Variants in GREB1L observed in about 807,000 individuals in gnomAD.
GREB1L encodes the protein GREB1 like retinoic acid receptor coactivator, also known as GREB1-like protein.
A neutral mutation model predicts 200.8 loss-of-function variants in GREB1L; 17 were observed. The ratio of observed to expected loss-of-function variants is 0.08; its 90% CI spans 0.06 to 0.13. The LOEUF is 0.13. GREB1L is among the 10% of genes least tolerant of loss of function. The pLI is 1.00. For synonymous variants in GREB1L, 789 were observed against 893.0 expected, an observed-to-expected ratio of 0.88 and a Z score of 2.08; for missense variants, 1,657 against 2,367.7, an observed-to-expected ratio of 0.70 and a Z score of 6.23.
At chr18:21,458,578 T>G (rs2034887257) in intron 15 of GREB1L, among the ~76,000 whole-genome samples, 1 of 152,154 alleles carries the variant, frequency 6.6e-6, no homozygotes, top group Non-Finnish European at 1.5e-5. Flanking sequence ...ATAGAAACCA[T>G]CACGTTGTTG....
chr18:21,284,439 C>G (rs2144496510), intron 1 of GREB1L, among the ~76,000 whole-genome samples: 1 of 152,220 alleles, frequency 6.6e-6, no homozygotes, highest in East Asian at 1.9e-4. Flanking sequence ...ATTGGGGGGG[C>G]TTTTGTGACG....
At chr18:21,293,954 A>AT (rs1028935219) in intron 1 of GREB1L, among the ~76,000 whole-genome samples, 13 of 151,804 alleles carry the variant, frequency 8.6e-5, no homozygotes, top group East Asian at 3.9e-4. Context: ...TAATTTTTGT[A>AT]TTTTTTGTGT....
intron 1 of GREB1L, among the ~76,000 whole-genome samples, chr18:21,326,238 C>T (rs1337375492): frequency 6.6e-6 from 1 of 151,670 alleles, no homozygotes; most frequent in Non-Finnish European, 1.5e-5. Flanking sequence ...AGAAATTACA[C>T]ACACACATGC....
intron 7 of GREB1L, among the ~76,000 whole-genome samples, chr18:21,410,871 A>C (rs1301941454): frequency 6.6e-6 from 1 of 151,252 alleles, no homozygotes; most frequent in African/African-American, 2.4e-5. Context: ...CAGGAGGATC[A>C]CTTGAGCCCA....
At chr18:21,298,760 C>T (rs375759343) in intron 1 of GREB1L, among the ~76,000 whole-genome samples, 12 of 151,986 alleles carry the variant, frequency 7.9e-5, no homozygotes, top group African/African-American at 2.9e-4. Flanking sequence ...ATAGTGAGAC[C>T]TCGTCTCTAT....
intron 1 of GREB1L, among the ~76,000 whole-genome samples, chr18:21,338,007 C>A (rs547689451): frequency 2.0e-5 from 3 of 152,078 alleles, no homozygotes; most frequent in South Asian, 4.2e-4. Flanking sequence ...AAAAAAAATT[C>A]TTTTTTTCTC....
intron 1 of GREB1L, among the ~76,000 whole-genome samples, chr18:21,246,407 G>A (rs1216681469): frequency 1.3e-5 from 2 of 152,118 alleles, no homozygotes; most frequent in Non-Finnish European, 2.9e-5. Flanking sequence ...AACAATCTAT[G>A]TGTGTGCTTA....
chr18:21,508,150 CTCT>C lies in GREB1L; in HGVS notation c.4408_4410del (p.Ser1470del), dbSNP rs1175347891. ...ACTCCACCCTTCATGCCTTCACATT[CTCT>C]TCTTCTATGCTGGGAGAAGAGGTTC... On this transcript the variant is annotated inframe_deletion, in exon 26 of 33. Transcript: ENST00000424526. 5 of 1,551,632 alleles carry C rather than the reference CTCT, an allele frequency of 3.2e-6. No homozygotes were observed. Among genetic ancestry groups the C allele is most frequent in the South Asian group, 1.2e-5 (1 of 84,056 alleles).
At chr18:21,464,444 C>A (rs764762755) in intron 15 of GREB1L, among the ~76,000 whole-genome samples, 2 of 150,180 alleles carry the variant, frequency 1.3e-5, no homozygotes, top group Non-Finnish European at 3.0e-5. Flanking sequence ...CTCAGGAGGC[C>A]GAGGCAGGAG....
chr18:21,472,972 C>T (rs2035541478), intron 15 of GREB1L, 59 bp from the exon 16 acceptor site: 2 of 1,146,072 alleles, frequency 1.7e-6, no homozygotes, highest in Admixed American at 5.7e-5. Flanking sequence ...AGTCTATCTC[C>T]TGTGTGTGTG....
chr18:21,323,211 C>T (rs369909908), intron 1 of GREB1L, among the ~76,000 whole-genome samples: 7 of 151,864 alleles, frequency 4.6e-5, no homozygotes, highest in African/African-American at 1.5e-4. Context: ...TGCTTGAGCC[C>T]GGGGTTAAGG....
At chr18:21,359,227 G>A (rs1489067204) in intron 1 of GREB1L, among the ~76,000 whole-genome samples, 5 of 152,270 alleles carry the variant, frequency 3.3e-5, no homozygotes, top group East Asian at 1.9e-4. Flanking sequence ...AGGCCAAGGC[G>A]GATTATGAGG....
chr18:21,305,706 T>C (rs750355068), intron 1 of GREB1L, among the ~76,000 whole-genome samples: 5 of 152,224 alleles, frequency 3.3e-5, no homozygotes, highest in Non-Finnish European at 5.9e-5. Context: ...CAACTTCCCA[T>C]CACTCTTGGA....
chr18:21,278,066 T>G (rs2038199059), intron 1 of GREB1L, among the ~76,000 whole-genome samples: 1 of 152,128 alleles, frequency 6.6e-6, no homozygotes, highest in Admixed American at 6.6e-5. Context: ...CCATTTAGGC[T>G]TATAGATTGA....
chr18:21,353,364 C>T (rs908655340), intron 1 of GREB1L, among the ~76,000 whole-genome samples: 1 of 151,950 alleles, frequency 6.6e-6, no homozygotes, highest in African/African-American at 2.4e-5. Flanking sequence ...TCAATAGTAG[C>T]AGCTATTACT....
chr18:21,518,154 T>A lies in GREB1L; in HGVS notation c.5392T>A (p.Tyr1798Asn). Reference protein sequence around the residue: ...LLEKFLQHASYKLFPKAIHNF... With the variant: ...LLEKFLQHASNKLFPKAIHNF... ...GGAGAAATTCCTTCAGCACGCCTCA[T>A]ATAAACTCTTCCCCAAAGCCATCCA... Residue 1798 changes from tyrosine to asparagine, a missense_variant, in exon 31 of 33, where the codon TAT (tyrosine) becomes AAT (asparagine). Physicochemically the swap from Tyr to Asn is moderately radical, Grantham distance 143. Around this residue, in one of 9 missense-constraint regions of GREB1L, gnomAD observed 190 missense variants for 230.2 expected, o/e 0.83. Coordinates refer to ENST00000424526, the MANE Select transcript of GREB1L (RefSeq NM_001142966.3). 1 of 1,551,676 alleles carries A rather than the reference T, an allele frequency of 6.4e-7. No homozygotes were observed. Among genetic ancestry groups the A allele is most frequent in the Non-Finnish European group, 8.7e-7 (1 of 1,146,990 alleles).
At chr18:21,495,429 T>A (rs1225070446) in intron 19 of GREB1L, among the ~76,000 whole-genome samples, 2 of 152,208 alleles carry the variant, frequency 1.3e-5, no homozygotes, top group African/African-American at 4.8e-5. Flanking sequence ...GTTACTAATG[T>A]CTGAGGTATA....
chr18:21,490,241 C>A lies in GREB1L; in HGVS notation c.2920C>A (p.Arg974=), dbSNP rs756651889. 7 of 1,551,526 alleles carry A rather than the reference C, an allele frequency of 4.5e-6. No homozygotes were observed. The highest frequency in any genetic ancestry group is 3.9e-5 in the Admixed American group (2 of 50,978). Residue 974 remains arginine, a synonymous_variant, in exon 19 of 33, where the codon CGG becomes AGG. Coordinates refer to ENST00000424526, the MANE Select transcript of GREB1L (RefSeq NM_001142966.3). ...SVQLAMLAKE[R]LQEVRDKLGL... ...GCAGCTGGCGATGTTAGCCAAGGAG[C>A]GGCTACAGGAGGTGCGCGACAAACT...
At chr18:21,386,535 C>G (rs2144128766) in intron 4 of GREB1L, among the ~76,000 whole-genome samples, 1 of 151,510 alleles carries the variant, frequency 6.6e-6, no homozygotes, top group African/African-American at 2.4e-5. Context: ...ATGATCCACC[C>G]TCCTCGGCTC....
Sources: allele counts gnomAD v4.1 joint callset (sites outside exome capture counted in the v4.1 genomes callset), GRCh38; gene constraint gnomAD v4.1.1; regional missense constraint gnomAD v4.1.1; transcripts MANE v1.5; gene names NCBI Gene and HGNC (gene_info 2026-07-23, HGNC 2026-07-21).